The following DNAI7 variants were observed in gnomAD, a reference collection of about 807,000 sequenced individuals.
The protein encoded by DNAI7 is dynein axonemal intermediate chain 7.
In DNAI7, 78 loss-of-function variants were observed where a neutral mutation model predicts 86.6. That is an observed-to-expected ratio of 0.90 (90% CI 0.75 to 1.09). The LOEUF (loss-of-function observed/expected upper bound fraction) is 1.09. DNAI7 is among the 50% of genes least tolerant of loss of function. DNAI7 has a pLI of 0.00. For synonymous variants in DNAI7, 274 were observed against 273.0 expected (o/e 1.00, Z -0.04); for missense variants, 753 against 810.2 (o/e 0.93, Z 0.86).
chr12:25,133,951 C>T (rs1943233379), intron 9 of DNAI7, among the ~76,000 whole-genome samples: 1 of 152,164 alleles, frequency 6.6e-6, no homozygotes, highest in South Asian at 2.1e-4. Context: ...CACTAATTGC[C>T]TGCTGATCTT....
chr12:25,128,734 T>C (rs191196583), intron 9 of DNAI7, among the ~76,000 whole-genome samples: 11 of 152,260 alleles, frequency 7.2e-5, no homozygotes, highest in Non-Finnish European at 1.0e-4. Flanking sequence ...CTCCCAAACA[T>C]ATTCATCTTT....
At chr12:25,158,424 T>C in intron 4 of DNAI7, 48 bp downstream of exon 4, 1 of 1,429,912 alleles carries the variant, frequency 7.0e-7, no homozygotes, top group Non-Finnish European at 9.8e-7. Flanking sequence ...ATAAATCTGA[T>C]AGCCATAGTT....
chr12:25,155,898 T>C (rs932169968), intron 4 of DNAI7, among the ~76,000 whole-genome samples: 3 of 151,970 alleles, frequency 2.0e-5, no homozygotes, highest in African/African-American at 7.3e-5. Flanking sequence ...TCACTTGAGG[T>C]CAGGAGTTCG....
chr12:25,125,209 T>C (rs1268201497), intron 9 of DNAI7, among the ~76,000 whole-genome samples: 2 of 152,208 alleles, frequency 1.3e-5, no homozygotes, highest in Admixed American at 6.5e-5. Context: ...CTTTCCACAA[T>C]GGTTGAACTA....
chr12:25,173,325 A>G (rs1025225933), intron 2 of DNAI7, among the ~76,000 whole-genome samples: 9 of 152,160 alleles, frequency 5.9e-5, no homozygotes, highest in African/African-American at 2.2e-4. Context: ...AGATATACAA[A>G]TGGCCAATAA....
chr12:25,146,390 A>T (rs1194062263), intron 8 of DNAI7, among the ~76,000 whole-genome samples: 1 of 152,082 alleles, frequency 6.6e-6, no homozygotes, highest in Non-Finnish European at 1.5e-5. Flanking sequence ...TGAGGTCAGG[A>T]GTTTGAAACT....
At chr12:25,150,542 T>G (rs1166216776) in intron 6 of DNAI7, among the ~76,000 whole-genome samples, 1 of 141,174 alleles carries the variant, frequency 7.1e-6, no homozygotes, top group African/African-American at 2.8e-5. Flanking sequence ...AGGCGGAGCT[T>G]GCAGTGAGCC....
At chr12:25,124,032 TTGTG>T (rs57454187) in intron 9 of DNAI7, among the ~76,000 whole-genome samples, 39 of 144,672 alleles carry the variant, frequency 2.7e-4, no homozygotes, top group African/African-American at 7.8e-4. Context: ...AGTATAAAAA[TTGTG>T]TGTGTGTGTG....
chr12:25,137,844 C>T (rs1943724715), intron 9 of DNAI7, among the ~76,000 whole-genome samples: 1 of 152,120 alleles, frequency 6.6e-6, no homozygotes, highest in Admixed American at 6.5e-5. Context: ...GAAAATATTA[C>T]ATTCCTAAAT....
downstream of DNAI7, chr12:25,107,052 T>TAA: frequency 6.6e-7 from 1 of 1,517,052 alleles, no homozygotes; most frequent in Non-Finnish European, 9.1e-7. Flanking sequence ...CTCTTCAGTG[T>TAA]AAGTTATCTA....
At position 25,114,736 on chromosome 12, in the gene DNAI7, A is replaced by C; in HGVS notation, c.1531T>G (p.Trp511Gly). 2 of 1,614,018 alleles carry C rather than the reference A, an allele frequency of 1.2e-6. No homozygotes were observed. Among genetic ancestry groups the C allele is most frequent in the Non-Finnish European group, 1.7e-6 (2 of 1,179,904 alleles). The change falls in exon 13 of 16, where the codon TGG (tryptophan) becomes GGG (glycine). Residue 511 changes from tryptophan to glycine, a missense_variant. Transcript: ENST00000395987. ...TTTACATCAAGTGGTCTTAGTTCCCATGACTGGTACGGCATGTTAATATGA... is the reference window on the plus strand; with the variant it reads ...TTTACATCAAGTGGTCTTAGTTCCCCTGACTGGTACGGCATGTTAATATGA... ...DAHINMPYQS[W>G]ELRPLDVNKV... is the part of the protein sequence containing the mutation.
chr12:25,172,773 G>A (rs1948285268), intron 2 of DNAI7, among the ~76,000 whole-genome samples: 1 of 152,126 alleles, frequency 6.6e-6, no homozygotes, highest in Non-Finnish European at 1.5e-5. Flanking sequence ...CAATGGAACA[G>A]AATAGAGAAC....
At chr12:25,168,351 G>A (rs931888209) in intron 2 of DNAI7, among the ~76,000 whole-genome samples, 3 of 151,950 alleles carry the variant, frequency 2.0e-5, no homozygotes, top group Non-Finnish European at 4.4e-5. Context: ...CTCTGACACC[G>A]ACACGACAAA....
At chr12:25,180,780 T>G (rs1007934780) in intron 2 of DNAI7, among the ~76,000 whole-genome samples, 1 of 152,036 alleles carries the variant, frequency 6.6e-6, no homozygotes, top group African/African-American at 2.4e-5. Flanking sequence ...ATATAAAAAT[T>G]AACTCAAGAT....
At chr12:25,176,348 T>C (rs1948957650) in intron 2 of DNAI7, among the ~76,000 whole-genome samples, 1 of 152,082 alleles carries the variant, frequency 6.6e-6, no homozygotes, top group African/African-American at 2.4e-5. Context: ...AATTCTGTTC[T>C]AGATTGAGTT....
At position 25,123,088 on chromosome 12, in the gene DNAI7, T is replaced by C. The variant is rs1008457577; in HGVS notation, c.1078+123A>G. On this transcript the variant is annotated intron_variant, in intron 10 of 15. Transcript: ENST00000395987. ...CACTGGTATCTCAGAAAAGGGACTATGAAGAATTTTCACTTTAAATATATT... is the reference window on the plus strand; with the variant it reads ...CACTGGTATCTCAGAAAAGGGACTACGAAGAATTTTCACTTTAAATATATT... The C allele has an allele frequency of 1.1e-5, 7 of 631,180 alleles. No individual in the cohort carries two copies. The African/African-American group carries it at 1.1e-4, about 10-fold the overall frequency. 39.1% of individuals were successfully genotyped at this position (631,180 alleles called of 1,614,324 possible). A position where few individuals can be genotyped will look rare whatever the true frequency, so the allele number is the denominator to read the frequency against.
At chr12:25,165,605 A>G (rs1281960122) in intron 2 of DNAI7, among the ~76,000 whole-genome samples, 4 of 152,170 alleles carry the variant, frequency 2.6e-5, no homozygotes, top group East Asian at 1.9e-4. Flanking sequence ...AGATCTTCTC[A>G]GCTTAGCGGC....
At chr12:25,129,096 A>G (rs1207983041) in intron 9 of DNAI7, among the ~76,000 whole-genome samples, 2 of 152,156 alleles carry the variant, frequency 1.3e-5, no homozygotes, top group Non-Finnish European at 2.9e-5. Context: ...GACTTCTGCA[A>G]TAATTGTGCC....
intron 13 of DNAI7, 44 bp downstream of exon 13, chr12:25,114,612 T>C (rs749132281): frequency 1.5e-5 from 20 of 1,314,834 alleles, no homozygotes; most frequent in Non-Finnish European, 2.2e-5. Context: ...CAAAATGGTT[T>C]ACCTCTGATA....
Sources: allele counts gnomAD v4.1 joint callset (sites outside exome capture counted in the v4.1 genomes callset), GRCh38; gene constraint gnomAD v4.1.1; transcripts MANE v1.5; gene names NCBI Gene and HGNC (gene_info 2026-07-23, HGNC 2026-07-21).